The following DOCK9 variants were observed in gnomAD, a reference collection of about 807,000 sequenced individuals.
DOCK9 encodes dedicator of cytokinesis protein 9.
Under a neutral mutation model 263.3 loss-of-function variants are expected in DOCK9, and 89 were observed. That is an observed-to-expected ratio of 0.34 (90% CI 0.28 to 0.40). The LOEUF (loss-of-function observed/expected upper bound fraction) is 0.40, where lower values mean the gene tolerates loss of function less well. DOCK9 is among the 10% of genes least tolerant of loss of function. The probability of loss-of-function intolerance (pLI) is 1.00; values close to 1 mark genes in which losing one functional copy is unlikely to be tolerated. For synonymous variants in DOCK9, 976 were observed against 973.1 expected, an observed-to-expected ratio of 1.00 and a Z score of -0.06; for missense variants, 2,140 against 2,603.4, an observed-to-expected ratio of 0.82 and a Z score of 3.87.
At position 98,867,444 on chromosome 13, in the gene DOCK9, G is replaced by C; in HGVS notation, c.3267C>G (p.Gly1089=). Residue 1089 remains glycine, a synonymous_variant, in exon 30 of 53, where the codon GGC becomes GGG. Transcript: ENST00000682017. ...PLNLPMPFGK[G]RIQRYQDLQL... ...GATTACCTTGGTATCTTTGAATCCTGCCTTTTCCAAATGGCATTGGTAAGT... is the reference window on the plus strand; with the variant it reads ...GATTACCTTGGTATCTTTGAATCCTCCCTTTTCCAAATGGCATTGGTAAGT... 6.2e-7 allele frequency: 1 copy of C among 1,603,450 alleles called. No individual in the cohort carries two copies. Among genetic ancestry groups the C allele is most frequent in the Non-Finnish European group, 8.5e-7 (1 of 1,171,794 alleles).
rs114191430 is a variant in DOCK9 at position 98,956,937 on chromosome 13, C to T, written c.127-1386G>A. Among the ~76,000 whole-genome samples the T allele has an allele frequency of 8.7e-3, 1,327 of 152,212 alleles. 13 individuals are homozygous for T. Among genetic ancestry groups the T allele is most frequent in the African/African-American group, 0.03 (1,253 of 41,530 alleles). On this transcript the variant is annotated intron_variant, in intron 1 of 52. Transcript: ENST00000682017. ...TCCAAATTGGCAATTGTGACTGAGGCTTGCTATTTGTTTCCAAAACCTGTC... is the reference window on the plus strand; with the variant it reads ...TCCAAATTGGCAATTGTGACTGAGGTTTGCTATTTGTTTCCAAAACCTGTC...
chr13:98,900,573 G>C (rs1384368178), intron 13 of DOCK9, among the ~76,000 whole-genome samples: 1 of 152,194 alleles, frequency 6.6e-6, no homozygotes, highest in Non-Finnish European at 1.5e-5. Flanking sequence ...GACTGGGGCT[G>C]TAATAAATGA....
chr13:98,894,637 G>A (rs1404299246), intron 15 of DOCK9, among the ~76,000 whole-genome samples: 1 of 151,808 alleles, frequency 6.6e-6, no homozygotes, highest in African/African-American at 2.4e-5. Flanking sequence ...AAAGGTGACT[G>A]GTTTTTGAAA....
At chr13:98,946,721 T>C (rs2056762610) in intron 2 of DOCK9, among the ~76,000 whole-genome samples, 1 of 152,026 alleles carries the variant, frequency 6.6e-6, no homozygotes, top group African/African-American at 2.4e-5. Context: ...ACCTTGTCAC[T>C]GCTCTGAGCC....
Position 98,831,708 on chromosome 13 carries a change from G to A in DOCK9, c.4393C>T (p.His1465Tyr). The part of the protein sequence containing the change: ...FDVYLCFLQK[H>Y]QSETALKNVF... ...TTTTTTAAAGCCGTTTCAGACTGAT[G>A]TTTTTGAAGAAAACACAGGTAGACA... The change falls in exon 40 of 53, where the codon CAT becomes TAT. Residue 1465 changes from histidine (H) to tyrosine (Y), a missense_variant. By Grantham distance (83) the His-to-Tyr change is moderately conservative. Around this residue, in one of 2 missense-constraint regions of DOCK9, gnomAD observed 619 missense variants for 861.8 expected, o/e 0.72. Transcript: ENST00000682017. 6.2e-7 allele frequency: 1 copy of A among 1,613,950 alleles called. No individual in the cohort carries two copies. Among genetic ancestry groups the A allele is most frequent in the Non-Finnish European group, 8.5e-7 (1 of 1,179,874 alleles).
chr13:99,074,764 T>C (rs1393146168), intron 1 of DOCK9, among the ~76,000 whole-genome samples: 2 of 152,218 alleles, frequency 1.3e-5, no homozygotes, highest in Non-Finnish European at 2.9e-5. Context: ...TCAGGGCAAT[T>C]TGAACCTTTG....
chr13:98,805,057 C>A lies in DOCK9; in HGVS notation c.5667G>T (p.Gln1889His). 1 of 1,612,056 alleles carries A rather than the reference C, an allele frequency of 6.2e-7. No individual in the cohort carries two copies. Among genetic ancestry groups the A allele is most frequent in the Non-Finnish European group, 8.5e-7 (1 of 1,179,072 alleles). The part of the protein sequence containing the change: ...RRFMFEMPFT[Q>H]TGKRQGGVEE... ...CCACCCCGCCCTGCCTCTTCCCGGTCTGCGTAAATGGCATCTCAAACATGA... is the reference window on the plus strand; with the variant it reads ...CCACCCCGCCCTGCCTCTTCCCGGTATGCGTAAATGGCATCTCAAACATGA... Residue 1889 changes from glutamine to histidine, a missense_variant, in exon 49 of 53, where the codon CAG becomes CAT. Gln to His is a conservative substitution (Grantham distance 24, BLOSUM62 0). Transcript: ENST00000682017.
intron 30 of DOCK9, among the ~76,000 whole-genome samples, chr13:98,865,036 CTG>C (rs2093982698): frequency 6.6e-6 from 1 of 152,142 alleles, no homozygotes; most frequent in South Asian, 2.1e-4. Flanking sequence ...AACTGCAAAA[CTG>C]TGAGCCAAAA....
chr13:98,979,226 T>C (rs61968891), upstream of DOCK9, among the ~76,000 whole-genome samples: 10,135 of 123,018 alleles, frequency 0.082, 394 homozygotes, highest in African/African-American at 0.12. Flanking sequence ...GTAGTAGTAG[T>C]AGTAGCAGCA....
chr13:98,878,197 C>T (rs1316952578), intron 27 of DOCK9, among the ~76,000 whole-genome samples: 2 of 152,198 alleles, frequency 1.3e-5, no homozygotes, highest in Non-Finnish European at 2.9e-5. Flanking sequence ...TGACCCAGGA[C>T]TTTCAGCATC....
intron 26 of DOCK9, among the ~76,000 whole-genome samples, 170 bp downstream of exon 26, chr13:98,880,377 A>T (rs1363062756): frequency 6.6e-6 from 1 of 152,082 alleles, no homozygotes; most frequent in Non-Finnish European, 1.5e-5. Flanking sequence ...GGTGTTTTGC[A>T]GCTCTTCTCT....
At position 98,852,501 on chromosome 13, in the gene DOCK9, T is replaced by C. The variant is rs529190674; in HGVS notation, c.3946+907A>G. ...GAAGCTTGATCTAAAAGAAATACTA[T>C]TTTCAAGCAGAAATACCTTCCACTG... is the stretch of plus-strand genomic sequence containing the variant. On this transcript the variant is annotated intron_variant, in intron 35 of 52. Transcript: ENST00000682017. 1.2e-3 allele frequency among the ~76,000 whole-genome samples: 182 copies of C among 152,094 alleles called. 1 individual carries two copies. Among genetic ancestry groups the C allele is most frequent in the African/African-American group, 4.1e-3 (169 of 41,486 alleles).
rs749315358 is a variant in DOCK9 at position 98,825,849 on chromosome 13, G to T, written c.5023+981C>A. The T allele has an allele frequency of 2.0e-6, 3 of 1,489,938 alleles. No individual in the cohort carries two copies. Among genetic ancestry groups the T allele is most frequent in the South Asian group, 1.4e-5 (1 of 72,780 alleles). 92.3% of individuals were successfully genotyped at this position (1,489,938 alleles called of 1,614,324 possible). On this transcript the variant is annotated intron_variant, in intron 44 of 52. Coordinates refer to ENST00000682017, the MANE Select transcript of DOCK9 (RefSeq NM_001366683.2). This position sits in a 1 kb window ranked among gnomAD's most constrained non-coding sequence, Gnocchi z 4.1. ...TGACCAGGGCAGGGGGTCCCCGGGG[G>T]CTGGGCTGATCCTCAGGCTCACCTC...
intron 3 of DOCK9, 108 bp from the exon 4 acceptor site, chr13:98,926,027 AT>A (rs2052899626): frequency 1.3e-6 from 1 of 781,202 alleles, no homozygotes; most frequent in Non-Finnish European, 1.9e-6. Context: ...CATCAAAAAA[AT>A]TTTTTCCCAT....
chr13:99,024,575 T>A (rs1156350397), intron 1 of DOCK9, among the ~76,000 whole-genome samples: 1 of 152,248 alleles, frequency 6.6e-6, no homozygotes, highest in Non-Finnish European at 1.5e-5. Flanking sequence ...GTTACTTTTA[T>A]CTTACATTTT....
intron 2 of DOCK9, among the ~76,000 whole-genome samples, chr13:98,946,627 A>G (rs949673710): frequency 2.6e-5 from 4 of 152,092 alleles, no homozygotes; most frequent in Non-Finnish European, 4.4e-5. Context: ...ACATTATCCT[A>G]TATCTTCGAT....
At chr13:98,969,037 G>C (rs1815153825) in intron 1 of DOCK9, among the ~76,000 whole-genome samples, 1 of 152,218 alleles carries the variant, frequency 6.6e-6, no homozygotes, top group African/African-American at 2.4e-5. Flanking sequence ...TATGATGTTA[G>C]GGTTTCAGGT....
upstream of DOCK9, among the ~76,000 whole-genome samples, chr13:98,979,707 ATATTATC>A (rs1437216673): frequency 1.3e-5 from 2 of 152,190 alleles, no homozygotes; most frequent in Admixed American, 1.3e-4. Flanking sequence ...TTCCAAAATA[ATATTATC>A]TATAAATTTT....
chr13:98,857,821 T>C (rs1438618642), intron 33 of DOCK9: 6 of 152,346 alleles, frequency 3.9e-5, no homozygotes, highest in Middle Eastern at 3.4e-3. Context: ...AGAGAAACCA[T>C]GTGAATGATT....
Sources: allele counts gnomAD v4.1 joint callset (sites outside exome capture counted in the v4.1 genomes callset), GRCh38; gene constraint gnomAD v4.1.1; regional missense constraint gnomAD v4.1.1; non-coding constraint Gnocchi (gnomAD v3.1); transcripts MANE v1.5; gene names NCBI Gene and HGNC (gene_info 2026-07-23, HGNC 2026-07-21).